BCHE: variants seen among roughly 807,000 people sequenced by gnomAD.
BCHE encodes the protein cholinesterase.
Under a neutral mutation model 51.3 loss-of-function variants are expected in BCHE, and 48 were observed. The ratio of observed to expected loss-of-function variants is 0.94; its 90% CI spans 0.74 to 1.19. The LOEUF (loss-of-function observed/expected upper bound fraction) is 1.19, where lower values mean the gene tolerates loss of function less well. Ranked by LOEUF, BCHE falls within the 50% of genes most tolerant of loss-of-function variation. BCHE has a pLI of 0.00. For synonymous variants in BCHE, 251 were observed against 238.0 expected (o/e 1.05, Z -0.50); for missense variants, 847 against 708.2 (o/e 1.20, Z -2.23).
At chr3:165,817,790 A>C (rs1410019295) in intron 2 of BCHE, among the ~76,000 whole-genome samples, 3 of 152,112 alleles carry the variant, frequency 2.0e-5, no homozygotes, top group Non-Finnish European at 4.4e-5. Context: ...GCTCACATGC[A>C]TCAAGCATTA....
intron 3 of BCHE, among the ~76,000 whole-genome samples, chr3:165,784,114 G>T (rs996281083): frequency 6.6e-6 from 1 of 151,584 alleles, no homozygotes; most frequent in Non-Finnish European, 1.5e-5. Context: ...TTTTCTTTAG[G>T]TATAAAGTTG....
In BCHE at chr3:165,786,186, C is replaced by T; in HGVS notation, c.1643G>A (p.Arg548Gln). Residue 548 changes from arginine (R) to glutamine (Q), a missense_variant, in exon 3 of 4, where the codon CGA becomes CAA. Transcript: ENST00000264381. ...IMTKLRAQQC[R>Q]FWTSFFPKVL... ...TTTTGGAAAAAATGATGTCCAGAAT[C>T]GACATTGTTGAGCACGTAGTTTCGT... 8 of 1,612,184 alleles carry T rather than the reference C, an allele frequency of 5.0e-6. No homozygotes were observed. The highest frequency in any genetic ancestry group is 1.7e-5 in the Admixed American group (1 of 59,890).
At chr3:165,785,421 C>T (rs1296046850) in intron 3 of BCHE, among the ~76,000 whole-genome samples, 1 of 151,726 alleles carries the variant, frequency 6.6e-6, no homozygotes, top group African/African-American at 2.4e-5. Context: ...GAAGATCAAA[C>T]TAAGGTGACA....
chr3:165,790,820 GAGTTTTCCAAGGAAAGCAAAGGGGAC>G (rs1416381873), intron 2 of BCHE, among the ~76,000 whole-genome samples: 1 of 120,944 alleles, frequency 8.3e-6, no homozygotes. Context: ...CACGTGCTTA[GAGTTTTCCAAGGAAAGCAAAGGGGAC>G]AGTGTGACTA....
intron 2 of BCHE, among the ~76,000 whole-genome samples, chr3:165,829,179 T>G (rs539213347): frequency 6.6e-6 from 1 of 152,242 alleles, no homozygotes; most frequent in East Asian, 1.9e-4. Context: ...ATTGTAAACT[T>G]GCAGGTTAAA....
intron 2 of BCHE, among the ~76,000 whole-genome samples, chr3:165,812,626 A>C (rs1250407830): frequency 6.6e-6 from 1 of 152,000 alleles, no homozygotes; most frequent in African/African-American, 2.4e-5. Context: ...AAAAATAAAA[A>C]AAAGAATTAA....
At chr3:165,796,405 T>C (rs1713378285) in intron 2 of BCHE, among the ~76,000 whole-genome samples, 1 of 152,162 alleles carries the variant, frequency 6.6e-6, no homozygotes, top group South Asian at 2.1e-4. Context: ...ATTTCTGGTA[T>C]CAGAAGTCTT....
intron 3 of BCHE, among the ~76,000 whole-genome samples, chr3:165,785,071 A>G (rs1712891563): frequency 1.3e-5 from 2 of 151,784 alleles, no homozygotes; most frequent in Admixed American, 1.3e-4. Flanking sequence ...CAGATGGAGT[A>G]CATAATTATA....
chr3:165,825,639 T>C (rs954335836), intron 2 of BCHE, among the ~76,000 whole-genome samples: 2 of 152,042 alleles, frequency 1.3e-5, no homozygotes, highest in African/African-American at 4.8e-5. Context: ...GCCGTGTTGG[T>C]GTGCTGCACC....
At chr3:165,782,399 G>A (rs1247211173) in intron 3 of BCHE, among the ~76,000 whole-genome samples, 2 of 152,018 alleles carry the variant, frequency 1.3e-5, no homozygotes, top group Admixed American at 1.3e-4. Context: ...AGTCGTGGAA[G>A]GCAATTTGTG....
At chr3:165,791,903 T>C (rs1247374682) in intron 2 of BCHE, among the ~76,000 whole-genome samples, 1 of 151,866 alleles carries the variant, frequency 6.6e-6, no homozygotes, top group African/African-American at 2.4e-5. Context: ...AACTGAGATC[T>C]TGCCACTGAC....
chr3:165,821,291 C>CA (rs1255834101), intron 2 of BCHE, among the ~76,000 whole-genome samples: 24 of 151,348 alleles, frequency 1.6e-4, no homozygotes, highest in Admixed American at 1.3e-3. Flanking sequence ...AAGGGATTTG[C>CA]ACAAATACTA....
At position 165,829,522 on chromosome 3, in the gene BCHE, T is replaced by C; in HGVS notation, c.1512A>G (p.Lys504=). Residue 504 remains lysine (K), a synonymous_variant, in exon 2 of 4, where the codon AAA becomes AAG. Transcript: ENST00000264381. ...TGACAAAAATCAGCACTTACCCATA[T>C]TTTGCAAAATTTGCCCACCGTTTCA... ...SIVKRWANFA[K]YGNPNETQNN... 1.9e-6 allele frequency: 3 copies of C among 1,613,320 alleles called. No individual in the cohort carries two copies. The highest frequency in any genetic ancestry group is 2.5e-6 in the Non-Finnish European group (3 of 1,179,440).
At position 165,830,797 on chromosome 3, in the gene BCHE, C is replaced by T; in HGVS notation, c.237G>A (p.Lys79=). The T allele has an allele frequency of 1.2e-6, 2 of 1,613,776 alleles. No individual in the cohort carries two copies. The highest frequency in any genetic ancestry group is 1.7e-6 in the Non-Finnish European group (2 of 1,179,836). The change falls in exon 2 of 4, where the codon AAG becomes AAA. Residue 79 remains lysine, a synonymous_variant. Transcript: ENST00000264381. ...LRFKKPQSLT[K]WSDIWNATKY... Reference sequence around the variant, plus strand: ...TTGTGGCATTCCAAATATCAGACCACTTGGTCAGAGACTGTGGCTTTTTGA... The same window carrying T: ...TTGTGGCATTCCAAATATCAGACCATTTGGTCAGAGACTGTGGCTTTTTGA...
chr3:165,826,519 G>T (rs937376228), intron 2 of BCHE, among the ~76,000 whole-genome samples: 9 of 151,916 alleles, frequency 5.9e-5, no homozygotes, highest in Non-Finnish European at 1.2e-4. Flanking sequence ...GAGGTGGGGG[G>T]GGACTTTATT....
At chr3:165,775,706 C>T (rs1000211717) in intron 3 of BCHE, among the ~76,000 whole-genome samples, 3 of 151,876 alleles carry the variant, frequency 2.0e-5, no homozygotes, top group Admixed American at 1.3e-4. Context: ...AATGTCTATA[C>T]AATTTAGTAT....
intron 2 of BCHE, among the ~76,000 whole-genome samples, chr3:165,823,982 G>A (rs376226278): frequency 6.8e-6 from 1 of 147,034 alleles, no homozygotes; most frequent in Non-Finnish European, 1.5e-5. Flanking sequence ...TCACTTTGTT[G>A]CTCAGGCTAG....
intron 2 of BCHE, among the ~76,000 whole-genome samples, chr3:165,824,539 A>G (rs1303117113): frequency 6.6e-6 from 1 of 152,092 alleles, no homozygotes; most frequent in Non-Finnish European, 1.5e-5. Context: ...ACAATCCTAG[A>G]GAATGCAATA....
At chr3:165,777,316 G>T (rs1712508976) in intron 3 of BCHE, among the ~76,000 whole-genome samples, 1 of 151,484 alleles carries the variant, frequency 6.6e-6, no homozygotes, top group African/African-American at 2.4e-5. Context: ...CTTAGAGACA[G>T]ATAATTTACT....
Sources: allele counts gnomAD v4.1 joint callset (sites outside exome capture counted in the v4.1 genomes callset), GRCh38; gene constraint gnomAD v4.1.1; transcripts MANE v1.5; gene names NCBI Gene and HGNC (gene_info 2026-07-23, HGNC 2026-07-21).